Variants in ADAMTSL3 observed in about 807,000 individuals in gnomAD.
ADAMTSL3 encodes ADAMTS-like protein 3.
In ADAMTSL3, 128 loss-of-function variants were observed where a neutral mutation model predicts 201.7. The ratio of observed to expected loss-of-function variants is 0.63; its 90% CI spans 0.55 to 0.73. The LOEUF (loss-of-function observed/expected upper bound fraction) is 0.73, where lower values mean the gene tolerates loss of function less well. Ranked by LOEUF, ADAMTSL3 falls within the 30% of genes least tolerant of loss-of-function variation. ADAMTSL3 has a pLI of 0.00. For missense variants in ADAMTSL3, 1,990 were observed against 2,119.6 expected, an observed-to-expected ratio of 0.94 and a Z score of 1.20; for synonymous variants, 738 against 748.4, an observed-to-expected ratio of 0.99 and a Z score of 0.23.
At chr15:83,799,294 A>C (rs2063481368) in intron 4 of ADAMTSL3, among the ~76,000 whole-genome samples, 1 of 152,174 alleles carries the variant, frequency 6.6e-6, no homozygotes, top group South Asian at 2.1e-4. Flanking sequence ...TAGGGCATTC[A>C]TGATTTAGGA....
chr15:84,025,202 C>G lies in ADAMTSL3; in HGVS notation c.4458-36C>G, dbSNP rs185072917. 1.7e-4 allele frequency: 255 copies of G among 1,539,228 alleles called. 3 individuals are homozygous for G. The Middle Eastern group carries it at 2.5e-3, about 15-fold the overall frequency. On this transcript the variant is annotated intron_variant, in intron 26 of 29. Coordinates refer to ENST00000286744, the MANE Select transcript of ADAMTSL3 (RefSeq NM_207517.3). ...ACGCCCCCTCTAAGATCTGGCATACCAGTCCTTACTAAAGTCCTGTAGTTT... is the reference window on the plus strand; with the variant it reads ...ACGCCCCCTCTAAGATCTGGCATACGAGTCCTTACTAAAGTCCTGTAGTTT...
At chr15:83,965,299 A>G (rs1463666732) in intron 19 of ADAMTSL3, among the ~76,000 whole-genome samples, 1 of 151,768 alleles carries the variant, frequency 6.6e-6, no homozygotes, top group African/African-American at 2.4e-5. Context: ...AAAGACACAC[A>G]TAAGCTCAAA....
intron 3 of ADAMTSL3, among the ~76,000 whole-genome samples, chr15:83,745,183 A>G (rs549620670): frequency 3.3e-5 from 5 of 152,156 alleles, no homozygotes; most frequent in Admixed American, 3.3e-4. Context: ...CCACATGGGG[A>G]GTATCACCTT....
At chr15:83,839,635 G>A (rs2064337895) in intron 7 of ADAMTSL3, among the ~76,000 whole-genome samples, 1 of 152,138 alleles carries the variant, frequency 6.6e-6, no homozygotes, top group African/African-American at 2.4e-5. Flanking sequence ...AAAATCATGA[G>A]GCCTTGATCT....
chr15:83,682,645 G>A (rs2061490878), intron 2 of ADAMTSL3, among the ~76,000 whole-genome samples: 1 of 152,158 alleles, frequency 6.6e-6, no homozygotes, highest in Non-Finnish European at 1.5e-5. Context: ...AAAGGGTAAG[G>A]AGATTCAGTG....
At chr15:83,991,971 T>C (rs768085279) in intron 23 of ADAMTSL3, among the ~76,000 whole-genome samples, 3 of 152,168 alleles carry the variant, frequency 2.0e-5, no homozygotes, top group Non-Finnish European at 2.9e-5. Context: ...GTTTTGTGAA[T>C]AGCGTTTTAT....
intron 23 of ADAMTSL3, among the ~76,000 whole-genome samples, chr15:84,013,904 C>G (rs762912352): frequency 2.0e-5 from 3 of 152,192 alleles, no homozygotes; most frequent in Admixed American, 6.5e-5. Flanking sequence ...TCCTCATGTT[C>G]CCCTCTGTGT....
At chr15:83,729,947 G>T (rs2141601173) in intron 3 of ADAMTSL3, among the ~76,000 whole-genome samples, 1 of 152,144 alleles carries the variant, frequency 6.6e-6, no homozygotes, top group African/African-American at 2.4e-5. Context: ...TGTGATCTAA[G>T]TCTTTGGTCA....
chr15:83,798,737 G>A (rs1439236701), intron 4 of ADAMTSL3, among the ~76,000 whole-genome samples: 3 of 148,824 alleles, frequency 2.0e-5, no homozygotes, highest in Non-Finnish European at 4.4e-5. Context: ...AAACTGGGAG[G>A]CAGAGGTTGC....
intron 3 of ADAMTSL3, among the ~76,000 whole-genome samples, chr15:83,722,747 C>T (rs942717939): frequency 1.3e-5 from 2 of 151,990 alleles, no homozygotes; most frequent in Non-Finnish European, 2.9e-5. Context: ...ACTGAGAGGA[C>T]CTCACATTCT....
chr15:83,783,847 G>GTA, intron 4 of ADAMTSL3, among the ~76,000 whole-genome samples: 1 of 151,648 alleles, frequency 6.6e-6, no homozygotes, highest in East Asian at 1.9e-4. Flanking sequence ...CTGTGTGTGT[G>GTA]TGTGTGTGTG....
At chr15:83,939,045 A>G (rs2066509206) in intron 17 of ADAMTSL3, among the ~76,000 whole-genome samples, 1 of 152,190 alleles carries the variant, frequency 6.6e-6, no homozygotes, top group South Asian at 2.1e-4. Flanking sequence ...AAATGATCAT[A>G]TGAATTTTTT....
rs961997176 is a variant in ADAMTSL3, at chr15:84,005,073, G to T, written c.3974-9469G>T. Among the ~76,000 whole-genome samples the T allele has an allele frequency of 3.9e-5, 6 of 152,246 alleles. No individual in the cohort carries two copies. The Middle Eastern group carries it at 0.017, about 432-fold the overall frequency. ...ACCCCCCAGAAATAGAGTGAGAGGTGCAGCTCAGAAGAACCAAAGGCAAGA... is the reference window on the plus strand; with the variant it reads ...ACCCCCCAGAAATAGAGTGAGAGGTTCAGCTCAGAAGAACCAAAGGCAAGA... On this transcript the variant is annotated intron_variant, in intron 23 of 29. Transcript: ENST00000286744.
rs137957075 is a variant in ADAMTSL3 at position 83,703,550 on chromosome 15, C to T, written c.70-839C>T. ...TTCTCGTGATAGTGAATAAGTCTCACGAGATCTGATGGTTTTATCAGGGGT... is the reference window on the plus strand; with the variant it reads ...TTCTCGTGATAGTGAATAAGTCTCATGAGATCTGATGGTTTTATCAGGGGT... On this transcript the variant is annotated intron_variant, in intron 2 of 29. Coordinates refer to ENST00000286744, the MANE Select transcript of ADAMTSL3 (RefSeq NM_207517.3). Among the ~76,000 whole-genome samples the T allele has an allele frequency of 3.5e-3, 536 of 152,258 alleles. 5 individuals carry two copies. Among genetic ancestry groups the T allele is most frequent in the African/African-American group, 0.011 (455 of 41,544 alleles).
At chr15:83,997,413 C>T (rs1218107563) in intron 23 of ADAMTSL3, among the ~76,000 whole-genome samples, 2 of 152,034 alleles carry the variant, frequency 1.3e-5, no homozygotes, top group African/African-American at 2.4e-5. Context: ...TATGATGAAA[C>T]CCTGTCTCTA....
chr15:83,731,117 G>A (rs746902139), intron 3 of ADAMTSL3, among the ~76,000 whole-genome samples: 11 of 151,946 alleles, frequency 7.2e-5, no homozygotes, highest in Non-Finnish European at 1.6e-4. Context: ...TCACTCTTTG[G>A]TTTCATTGGT....
intron 4 of ADAMTSL3, among the ~76,000 whole-genome samples, chr15:83,776,680 G>A (rs956069936): frequency 5.9e-5 from 9 of 152,044 alleles, no homozygotes; most frequent in African/African-American, 1.9e-4. Flanking sequence ...TTGCGCCATT[G>A]CACTCCAGCC....
chr15:83,736,221 T>C (rs891450118), intron 3 of ADAMTSL3, among the ~76,000 whole-genome samples: 9 of 152,250 alleles, frequency 5.9e-5, no homozygotes, highest in Non-Finnish European at 1.2e-4. Flanking sequence ...CAATATTAAC[T>C]GTGCCATGGA....
At chr15:83,679,203 T>C (rs1298175908) in intron 2 of ADAMTSL3, among the ~76,000 whole-genome samples, 1 of 152,102 alleles carries the variant, frequency 6.6e-6, no homozygotes, top group East Asian at 1.9e-4. Context: ...ACATATCTTC[T>C]ATTTCTTTTA....
Sources: gnomAD v4.1 joint callset for allele counts (sites outside exome capture counted in the v4.1 genomes callset) on GRCh38, gnomAD v4.1.1 for gene constraint, MANE v1.5 for transcripts, NCBI Gene and HGNC (gene_info 2026-07-23, HGNC 2026-07-21) for gene names.